The following CEP97 variants were observed in gnomAD, a reference collection of about 807,000 sequenced individuals.
The protein encoded by CEP97 is centrosomal protein 97.
In CEP97, 43 loss-of-function variants were observed where a neutral mutation model predicts 73.1. That is an observed-to-expected ratio of 0.59 (90% CI 0.46 to 0.76). The LOEUF is 0.76. CEP97 is among the 30% of genes least tolerant of loss of function. CEP97 has a pLI of 0.00. For synonymous variants in CEP97, 337 were observed against 370.0 expected, an observed-to-expected ratio of 0.91 and a Z score of 1.02; for missense variants, 939 against 1,014.0, an observed-to-expected ratio of 0.93 and a Z score of 1.00.
At chr3:101,729,054 G>A in intron 4 of CEP97, 117 bp downstream of exon 4, 1 of 648,624 alleles carries the variant, frequency 1.5e-6, no homozygotes, top group Non-Finnish European at 2.7e-6. Context: ...TTTATGATAA[G>A]AATTATGGGC....
At chr3:101,745,520 C>T (rs957743328) in intron 6 of CEP97, among the ~76,000 whole-genome samples, 2 of 151,768 alleles carry the variant, frequency 1.3e-5, no homozygotes, top group African/African-American at 2.4e-5. Flanking sequence ...CCCGCCTCAG[C>T]CTCCCAAAGT....
At chr3:101,753,576 G>A (rs1938908233) in intron 6 of CEP97, among the ~76,000 whole-genome samples, 1 of 152,244 alleles carries the variant, frequency 6.6e-6, no homozygotes, top group Admixed American at 6.5e-5. Context: ...GCTTCCGGCT[G>A]CTTTGTTTAC....
chr3:101,727,987 G>T (rs1470424638), intron 3 of CEP97, among the ~76,000 whole-genome samples: 1 of 152,144 alleles, frequency 6.6e-6, no homozygotes, highest in Non-Finnish European at 1.5e-5. Context: ...ACCAATAGCT[G>T]CCTTTTATTG....
intron 10 of CEP97, among the ~76,000 whole-genome samples, chr3:101,764,246 G>C (rs1033562194): frequency 1.8e-4 from 27 of 152,166 alleles, no homozygotes; most frequent in African/African-American, 6.5e-4. Context: ...CAGAAGGATT[G>C]CTTGAGCCCA....
intron 6 of CEP97, among the ~76,000 whole-genome samples, 165 bp downstream of exon 6, chr3:101,732,819 A>G (rs760411317): frequency 1.1e-4 from 16 of 152,270 alleles, no homozygotes; most frequent in Middle Eastern, 6.8e-3. Context: ...TGTCATTTCT[A>G]AAAAAGGATA....
chr3:101,752,809 A>G (rs1012180041), intron 6 of CEP97, among the ~76,000 whole-genome samples: 1 of 152,030 alleles, frequency 6.6e-6, no homozygotes, highest in Non-Finnish European at 1.5e-5. Context: ...ATTTTTTTCA[A>G]AGTTTTTAAC....
chr3:101,729,918 C>T (rs1466826138), intron 4 of CEP97, among the ~76,000 whole-genome samples: 2 of 152,114 alleles, frequency 1.3e-5, no homozygotes, highest in Non-Finnish European at 2.9e-5. Flanking sequence ...GATACTTCTG[C>T]CTCAGCGTCC....
At chr3:101,741,331 C>G (rs1179380269) in intron 6 of CEP97, among the ~76,000 whole-genome samples, 1 of 152,214 alleles carries the variant, frequency 6.6e-6, no homozygotes, top group Non-Finnish European at 1.5e-5. Flanking sequence ...AAAACCAAGA[C>G]AATTCCATTC....
chr3:101,733,508 CTCT>C (rs1284498864), intron 6 of CEP97, among the ~76,000 whole-genome samples: 4 of 151,850 alleles, frequency 2.6e-5, no homozygotes, highest in Non-Finnish European at 5.9e-5. Flanking sequence ...ATTGGTCCTC[CTCT>C]TCTTTTTTTT....
chr3:101,760,453 A>AT (rs1184712977), intron 9 of CEP97, among the ~76,000 whole-genome samples: 4 of 152,016 alleles, frequency 2.6e-5, no homozygotes, highest in Admixed American at 6.6e-5. Flanking sequence ...GCCAGGAATG[A>AT]TTTTTTTTCC....
chr3:101,747,268 T>C (rs1050394748), intron 6 of CEP97, among the ~76,000 whole-genome samples: 3 of 151,158 alleles, frequency 2.0e-5, no homozygotes, highest in African/African-American at 7.3e-5. Flanking sequence ...CTTTTTTTTT[T>C]TTTTTTTTTG....
At chr3:101,747,550 C>T (rs971873341) in intron 6 of CEP97, among the ~76,000 whole-genome samples, 33 of 149,516 alleles carry the variant, frequency 2.2e-4, no homozygotes, top group East Asian at 3.9e-4. Flanking sequence ...TGAGCCACCG[C>T]GCCTGGCCTT....
intron 6 of CEP97, among the ~76,000 whole-genome samples, chr3:101,745,513 G>T (rs189775849): frequency 6.6e-6 from 1 of 151,524 alleles, no homozygotes; most frequent in African/African-American, 2.4e-5. Context: ...GGATCCTCCC[G>T]CCTCAGCCTC....
intron 6 of CEP97, among the ~76,000 whole-genome samples, chr3:101,740,159 C>T (rs1188740936): frequency 6.6e-6 from 1 of 152,094 alleles, no homozygotes; most frequent in Non-Finnish European, 1.5e-5. Flanking sequence ...AAAGGGTATT[C>T]AGATAGGAAG....
intron 9 of CEP97, chr3:101,758,687 G>A: frequency 2.4e-6 from 1 of 408,522 alleles, no homozygotes; most frequent in Non-Finnish European, 4.4e-6. Flanking sequence ...GAGCTTTATA[G>A]GGATCTATAA....
At chr3:101,750,679 G>C (rs1938779983) in intron 6 of CEP97, among the ~76,000 whole-genome samples, 1 of 152,174 alleles carries the variant, frequency 6.6e-6, no homozygotes, top group Admixed American at 6.5e-5. Context: ...ATTTCTTCTT[G>C]ATTTTCTAGT....
rs1389263133 is a variant in CEP97 at position 101,765,480 on chromosome 3, G to A, written c.2527G>A (p.Ala843Thr). ...GACACAAGAGAATTCTAAATTAAAT[G>A]CAGAAGTTCAGGGGCAGCAGCCAGA... Reference protein sequence around the residue: ...SQTQENSKLNAEVQGQQPECD... With the variant: ...SQTQENSKLNTEVQGQQPECD... The change falls in exon 11 of 11, where the codon GCA (alanine) becomes ACA (threonine). Residue 843 changes from alanine to threonine, a missense_variant. Ala to Thr is a moderately conservative substitution (Grantham distance 58). Transcript: ENST00000341893. 1.2e-6 allele frequency: 2 copies of A among 1,614,010 alleles called. No homozygotes were observed. The highest frequency in any genetic ancestry group is 1.7e-6 in the Non-Finnish European group (2 of 1,180,002).
rs150933604 is a variant in CEP97 at position 101,768,261 on chromosome 3, C to T, written c.*2710C>T. ...GTTAAATGACTTGTCTAAGTTATAG[C>T]TAGTTAGTAGTAAATAAACTGAAAA... On this transcript the variant is annotated 3_prime_UTR_variant, in exon 11 of 11. Transcript: ENST00000341893. 28 of 152,308 alleles carry T rather than the reference C, an allele frequency of 1.8e-4. No individual in the cohort carries two copies. Among genetic ancestry groups the T allele is most frequent in the African/African-American group, 6.7e-4 (28 of 41,580 alleles). The allele number at this position is 152,308 out of a possible 1,614,324, so 9.4% of individuals were successfully genotyped here.
At chr3:101,749,112 T>C (rs1938719080) in intron 6 of CEP97, among the ~76,000 whole-genome samples, 1 of 150,874 alleles carries the variant, frequency 6.6e-6, no homozygotes, top group African/African-American at 2.4e-5. Context: ...TCATTTAGCA[T>C]TAGGTATATC....
Sources: allele counts gnomAD v4.1 joint callset (sites outside exome capture counted in the v4.1 genomes callset), GRCh38; gene constraint gnomAD v4.1.1; transcripts MANE v1.5; gene names NCBI Gene and HGNC (gene_info 2026-07-23, HGNC 2026-07-21).